The following HSD17B12 variants were observed in gnomAD, a reference collection of about 807,000 sequenced individuals.
HSD17B12 encodes hydroxysteroid 17-beta dehydrogenase 12.
Under a neutral mutation model 39.3 loss-of-function variants are expected in HSD17B12, and 32 were observed. That is an observed-to-expected ratio of 0.81 (90% CI 0.61 to 1.09). The LOEUF is 1.09. Ranked by LOEUF, HSD17B12 falls within the 50% of genes least tolerant of loss-of-function variation. HSD17B12 has a pLI of 0.00. For missense variants in HSD17B12, 342 were observed against 382.9 expected (o/e 0.89, Z 0.89); for synonymous variants, 150 against 146.7 (o/e 1.02, Z -0.16).
intron 9 of HSD17B12, among the ~76,000 whole-genome samples, chr11:43,851,807 C>T (rs1225828462): frequency 6.6e-6 from 1 of 152,108 alleles, no homozygotes; most frequent in Non-Finnish European, 1.5e-5. Context: ...GGATACTGCC[C>T]AGTGATTGGA....
At chr11:43,661,307 C>T in the HSD17B12 span, among the ~76,000 whole-genome samples, 1 of 151,890 alleles carries the variant, frequency 6.6e-6, no homozygotes, top group Admixed American at 6.6e-5. Flanking sequence ...GGTTGGGGGT[C>T]AAAAAGGGCA....
At chr11:43,762,437 A>G (rs557347994) in intron 3 of HSD17B12, among the ~76,000 whole-genome samples, 1 of 152,358 alleles carries the variant, frequency 6.6e-6, no homozygotes, top group South Asian at 2.1e-4. Context: ...AGTAATAGCC[A>G]AGAGTCCAGA....
chr11:43,725,118 AT>A (rs1950209648), intron 1 of HSD17B12, among the ~76,000 whole-genome samples: 1 of 152,144 alleles, frequency 6.6e-6, no homozygotes, highest in South Asian at 2.1e-4. Context: ...TTCTATGTAT[AT>A]TTCACAGACA....
chr11:43,784,649 T>A (rs966542783), intron 3 of HSD17B12, among the ~76,000 whole-genome samples: 1 of 152,158 alleles, frequency 6.6e-6, no homozygotes, highest in African/African-American at 2.4e-5. Flanking sequence ...AAACCTTTTA[T>A]CATTTGAAGG....
At chr11:43,610,602 A>G in the HSD17B12 span, among the ~76,000 whole-genome samples, 2 of 152,138 alleles carry the variant, frequency 1.3e-5, no homozygotes, top group Non-Finnish European at 2.9e-5. Flanking sequence ...TGCCTATCTC[A>G]TTGTCATGGA....
At chr11:43,729,536 T>C (rs114927076) in intron 1 of HSD17B12, among the ~76,000 whole-genome samples, 2,079 of 152,290 alleles carry the variant, frequency 0.014, 28 homozygotes, top group East Asian at 0.045. Flanking sequence ...TTCTATGGTA[T>C]GTTTGTAGAA....
chr11:43,826,991 G>T (rs1951249202), intron 6 of HSD17B12, among the ~76,000 whole-genome samples: 1 of 152,140 alleles, frequency 6.6e-6, no homozygotes, highest in African/African-American at 2.4e-5. Context: ...TAAGGTATTT[G>T]CATCTAAGAA....
intron 1 of HSD17B12, among the ~76,000 whole-genome samples, chr11:43,697,674 TGGA>T (rs1949924675): frequency 6.6e-6 from 1 of 152,148 alleles, no homozygotes; most frequent in East Asian, 1.9e-4. Flanking sequence ...TGAGGGGTGT[TGGA>T]GGACAGGGGA....
At chr11:43,731,095 C>G (rs553409135) in intron 1 of HSD17B12, among the ~76,000 whole-genome samples, 2 of 152,190 alleles carry the variant, frequency 1.3e-5, no homozygotes, top group African/African-American at 4.8e-5. Flanking sequence ...CTCCCGGGTT[C>G]AAGCGATTCT....
chr11:43,706,689 GGTGTGTGTGTGT>G (rs147962977), intron 1 of HSD17B12, among the ~76,000 whole-genome samples: 3 of 137,820 alleles, frequency 2.2e-5, no homozygotes, highest in African/African-American at 5.6e-5. Flanking sequence ...TGAATGAAGG[GGTGTGTGTGTGT>G]GTGTGTGTGT....
At chr11:43,734,318 C>A in intron 1 of HSD17B12, 1 of 1,076,132 alleles carries the variant, frequency 9.3e-7, no homozygotes. Context: ...AAAGGTGGCT[C>A]AGCAGGAAGC....
At chr11:43,753,713 A>G (rs1954907013) in intron 2 of HSD17B12, among the ~76,000 whole-genome samples, 1 of 151,916 alleles carries the variant, frequency 6.6e-6, no homozygotes. Context: ...TGTGCTTGGC[A>G]TAAAACTTTT....
chr11:43,562,339 G>A, the HSD17B12 span, among the ~76,000 whole-genome samples: 2 of 152,240 alleles, frequency 1.3e-5, no homozygotes, highest in Non-Finnish European at 2.9e-5. Flanking sequence ...TTTAGGCTTT[G>A]CAGCCAAGAA....
upstream of HSD17B12, among the ~76,000 whole-genome samples, chr11:43,678,876 C>T (rs1225073649): frequency 2.0e-5 from 3 of 152,126 alleles, no homozygotes; most frequent in Admixed American, 1.3e-4. Context: ...TGTGATGCCT[C>T]CAGCTTTGTT....
the HSD17B12 span, among the ~76,000 whole-genome samples, chr11:43,574,769 G>T: frequency 2.0e-5 from 3 of 152,138 alleles, no homozygotes; most frequent in South Asian, 6.2e-4. Flanking sequence ...GCAGAAAAAA[G>T]ATATCCTGGT....
intron 3 of HSD17B12, among the ~76,000 whole-genome samples, chr11:43,769,953 C>G (rs1419781220): frequency 6.6e-6 from 1 of 152,200 alleles, no homozygotes; most frequent in Non-Finnish European, 1.5e-5. Flanking sequence ...TCCACATTTT[C>G]TCTACCAATC....
chr11:43,815,940 C>A (rs1223767653), intron 5 of HSD17B12, among the ~76,000 whole-genome samples: 1 of 152,140 alleles, frequency 6.6e-6, no homozygotes, highest in Admixed American at 6.5e-5. Context: ...TTGATGCATG[C>A]ATAATCCTTT....
chr11:43,560,904 C>T, the HSD17B12 span, among the ~76,000 whole-genome samples: 1 of 152,100 alleles, frequency 6.6e-6, no homozygotes, highest in South Asian at 2.1e-4. Flanking sequence ...CTTCGTCAAG[C>T]GAATAATTGA....
chr11:43,813,685 A>T (rs941668900), intron 4 of HSD17B12, among the ~76,000 whole-genome samples: 7 of 152,184 alleles, frequency 4.6e-5, no homozygotes, highest in African/African-American at 1.7e-4. Context: ...GTTTTGGCCT[A>T]ATTGTTTACA....
Sources: allele counts gnomAD v4.1 joint callset (sites outside exome capture counted in the v4.1 genomes callset), GRCh38; gene constraint gnomAD v4.1.1; transcripts MANE v1.5; gene names NCBI Gene and HGNC (gene_info 2026-07-23, HGNC 2026-07-21).